NCKAP5: variants seen among roughly 807,000 people sequenced by gnomAD.
NCKAP5 encodes NCK associated protein 5.
A neutral mutation model predicts 167.0 loss-of-function variants in NCKAP5; 92 were observed. The observed-to-expected ratio is 0.55, with a 90% CI of 0.47 to 0.66. The LOEUF (loss-of-function observed/expected upper bound fraction) is 0.66, where lower values mean the gene tolerates loss of function less well. NCKAP5 is among the 30% of genes least tolerant of loss of function. The pLI is 0.00. For synonymous variants in NCKAP5, 891 were observed against 877.4 expected (o/e 1.02, Z -0.27); for missense variants, 2,378 against 2,315.0 (o/e 1.03, Z -0.56).
intron 7 of NCKAP5, among the ~76,000 whole-genome samples, chr2:132,973,506 T>A (rs2076893028): frequency 6.6e-6 from 1 of 152,154 alleles, no homozygotes; most frequent in African/African-American, 2.4e-5. Flanking sequence ...AAACATAGAC[T>A]CACTCAAAGG....
the NCKAP5 span, among the ~76,000 whole-genome samples, chr2:133,662,465 A>T: frequency 6.6e-6 from 1 of 151,664 alleles, no homozygotes; most frequent in South Asian, 2.1e-4. Context: ...GAAGAAATAT[A>T]TGGCTTATAA....
At chr2:133,525,557 G>C (rs1028564117) in intron 2 of NCKAP5, among the ~76,000 whole-genome samples, 3 of 152,330 alleles carry the variant, frequency 2.0e-5, no homozygotes, top group Non-Finnish European at 4.4e-5. Flanking sequence ...CTTAGGAAGA[G>C]AGGTCAGAGA....
the NCKAP5 span, among the ~76,000 whole-genome samples, chr2:133,674,467 C>T: frequency 2.0e-4 from 31 of 152,160 alleles, no homozygotes; most frequent in African/African-American, 7.0e-4. Context: ...GAAAGGCACT[C>T]GCAGACACCA....
intron 16 of NCKAP5, among the ~76,000 whole-genome samples, chr2:132,733,524 C>T (rs550060260): frequency 6.6e-6 from 1 of 152,300 alleles, no homozygotes; most frequent in South Asian, 2.1e-4. Flanking sequence ...GTATGTTCAT[C>T]ATTTAATCCT....
chr2:133,277,571 T>C (rs1487871393), intron 4 of NCKAP5, among the ~76,000 whole-genome samples: 5 of 152,200 alleles, frequency 3.3e-5, no homozygotes, highest in Non-Finnish European at 7.4e-5. Context: ...ATTATAAAGC[T>C]GTCCGTTCTA....
At chr2:133,402,216 C>T (rs985255050) in intron 3 of NCKAP5, among the ~76,000 whole-genome samples, 14 of 152,122 alleles carry the variant, frequency 9.2e-5, no homozygotes, top group Non-Finnish European at 1.8e-4. Context: ...TTAGTGAAGA[C>T]AAGCACTGTG....
intron 7 of NCKAP5, among the ~76,000 whole-genome samples, chr2:132,985,333 A>G (rs1321273067): frequency 6.6e-6 from 1 of 152,068 alleles, no homozygotes; most frequent in African/African-American, 2.4e-5. Flanking sequence ...ATCTATTTCA[A>G]CTCTTAGTGA....
intron 6 of NCKAP5, among the ~76,000 whole-genome samples, chr2:133,063,894 T>A (rs1225209204): frequency 6.6e-6 from 1 of 152,208 alleles, no homozygotes; most frequent in East Asian, 1.9e-4. Context: ...AAAAAACCGT[T>A]AACATCTGCC....
At chr2:133,644,391 C>T in the NCKAP5 span, among the ~76,000 whole-genome samples, 687 of 152,276 alleles carry the variant, frequency 4.5e-3, 3 homozygotes, top group Non-Finnish European at 6.9e-3. Flanking sequence ...CTACCATAAT[C>T]ATTTCCAATT....
At chr2:133,254,848 T>C (rs1245674738) in intron 4 of NCKAP5, among the ~76,000 whole-genome samples, 1 of 152,086 alleles carries the variant, frequency 6.6e-6, no homozygotes, top group East Asian at 1.9e-4. Context: ...GTTGAAGAAC[T>C]GGGATGAATA....
chr2:133,378,657 C>G (rs1181030061), intron 3 of NCKAP5, among the ~76,000 whole-genome samples: 4 of 152,200 alleles, frequency 2.6e-5, no homozygotes, highest in Non-Finnish European at 5.9e-5. Context: ...AAAGCAGTAT[C>G]TGCCACCTAG....
At chr2:133,221,664 A>T (rs2086667758) in intron 4 of NCKAP5, among the ~76,000 whole-genome samples, 1 of 152,242 alleles carries the variant, frequency 6.6e-6, no homozygotes, top group African/African-American at 2.4e-5. Flanking sequence ...CCAGATTTTA[A>T]AACATGGTAG....
At chr2:133,611,416 A>C in the NCKAP5 span, among the ~76,000 whole-genome samples, 2 of 152,138 alleles carry the variant, frequency 1.3e-5, no homozygotes, top group African/African-American at 4.8e-5. Flanking sequence ...TTCACTTTGC[A>C]TTTGATTGCT....
At chr2:133,644,819 T>C in the NCKAP5 span, among the ~76,000 whole-genome samples, 1 of 152,178 alleles carries the variant, frequency 6.6e-6, no homozygotes. Context: ...CAATACATGT[T>C]ATATCGTTTA....
chr2:132,731,381 A>G (rs1690990869), intron 17 of NCKAP5, among the ~76,000 whole-genome samples: 1 of 152,244 alleles, frequency 6.6e-6, no homozygotes, highest in South Asian at 2.1e-4. Flanking sequence ...GAAGGCAAAC[A>G]ACATTGTAGT....
chr2:133,476,734 T>A (rs528511240), intron 3 of NCKAP5, among the ~76,000 whole-genome samples: 1 of 152,358 alleles, frequency 6.6e-6, no homozygotes, highest in East Asian at 1.9e-4. Flanking sequence ...CTTCCCCCTT[T>A]CTCGTGGAAT....
At chr2:133,220,503 C>A (rs1390652471) in intron 4 of NCKAP5, among the ~76,000 whole-genome samples, 2 of 152,022 alleles carry the variant, frequency 1.3e-5, no homozygotes, top group Non-Finnish European at 2.9e-5. Context: ...CAATATAGCC[C>A]CAGACTATCT....
intron 4 of NCKAP5, among the ~76,000 whole-genome samples, chr2:133,266,765 C>A (rs2089253241): frequency 6.6e-6 from 1 of 152,180 alleles, no homozygotes; most frequent in Non-Finnish European, 1.5e-5. Flanking sequence ...CCAGTGTCCC[C>A]GAGCCCTCTC....
chr2:132,727,951 T>G (rs570446459), intron 18 of NCKAP5, among the ~76,000 whole-genome samples: 1 of 152,176 alleles, frequency 6.6e-6, no homozygotes, highest in South Asian at 2.1e-4. Flanking sequence ...CTCATCATCA[T>G]AGTTGGGCAG....
Sources: allele counts gnomAD v4.1 joint callset (sites outside exome capture counted in the v4.1 genomes callset), GRCh38; gene constraint gnomAD v4.1.1; transcripts MANE v1.5; gene names NCBI Gene and HGNC (gene_info 2026-07-23, HGNC 2026-07-21).